The following SULF1 variants were observed in gnomAD, a reference collection of about 807,000 sequenced individuals.
SULF1 encodes the protein sulfatase 1.
In SULF1, 46 loss-of-function variants were observed where a neutral mutation model predicts 110.5. The observed-to-expected ratio is 0.42, with a 90% CI of 0.33 to 0.53. The LOEUF is 0.53. SULF1 is among the 20% of genes least tolerant of loss of function. SULF1 has a pLI of 0.12. For synonymous variants in SULF1, 371 were observed against 387.1 expected, an observed-to-expected ratio of 0.96 and a Z score of 0.49; for missense variants, 941 against 1,094.2, an observed-to-expected ratio of 0.86 and a Z score of 1.98.
At chr8:69,497,155 C>CTTT (rs5892193) in intron 2 of SULF1, among the ~76,000 whole-genome samples, 24 of 121,696 alleles carry the variant, frequency 2.0e-4, no homozygotes, top group Non-Finnish European at 2.5e-4. Context: ...GTTCTTTTCT[C>CTTT]TTTTTTTTTT....
intron 13 of SULF1, among the ~76,000 whole-genome samples, chr8:69,614,652 A>G (rs1298095616): frequency 1.3e-5 from 2 of 152,262 alleles, no homozygotes; most frequent in African/African-American, 2.4e-5. Flanking sequence ...ACAGGCAGAT[A>G]TAATCAATCA....
chr8:69,528,403 C>T (rs1192134305), intron 3 of SULF1, among the ~76,000 whole-genome samples: 1 of 152,160 alleles, frequency 6.6e-6, no homozygotes, highest in Admixed American at 6.5e-5. Flanking sequence ...TGTAGACAGA[C>T]GTGGATTCCA....
chr8:69,511,432 C>A (rs79725986), intron 3 of SULF1, among the ~76,000 whole-genome samples: 159 of 152,220 alleles, frequency 1.0e-3, no homozygotes, highest in African/African-American at 3.6e-3. Context: ...GATTCTGAGC[C>A]CTAACTGGCT....
chr8:69,613,298 T>C (rs1019704766), intron 13 of SULF1, among the ~76,000 whole-genome samples: 1 of 140,664 alleles, frequency 7.1e-6, no homozygotes, highest in African/African-American at 2.6e-5. Flanking sequence ...TGCCTACAGA[T>C]TTGGTTTTTT....
At chr8:69,573,418 A>G (rs1188064930) in intron 5 of SULF1, among the ~76,000 whole-genome samples, 1 of 152,190 alleles carries the variant, frequency 6.6e-6, no homozygotes, top group Non-Finnish European at 1.5e-5. Context: ...CCTCGGTCCC[A>G]TATTTGTAGT....
At position 69,655,688 on chromosome 8, in the gene SULF1, A is replaced by C. The variant is rs372061881; in HGVS notation, c.2586-2817A>C. 1.4e-4 allele frequency among the ~76,000 whole-genome samples: 21 copies of C among 152,314 alleles called. No individual in the cohort carries two copies. In the South Asian group the frequency reaches 4.3e-3, roughly 32 times the overall value. On this transcript the variant is annotated intron_variant, in intron 22 of 22. Transcript: ENST00000402687. ...TCCCCAAACTACTGGGATTAGAGGCATGAGGCACCATGCCCGGTCTAAATC... is the reference window on the plus strand; with the variant it reads ...TCCCCAAACTACTGGGATTAGAGGCCTGAGGCACCATGCCCGGTCTAAATC...
At chr8:69,588,927 T>C in intron 7 of SULF1, 45 bp from the exon 8 acceptor site, 4 of 1,577,194 alleles carry the variant, frequency 2.5e-6, no homozygotes, top group East Asian at 2.3e-5. Context: ...ATCTGATGAA[T>C]GTCACCTTTT....
rs80154473 is a variant in SULF1 at position 69,508,965 on chromosome 8, A to G, written c.-134+6997A>G. Among the ~76,000 whole-genome samples the G allele has an allele frequency of 8.4e-3, 1,282 of 152,300 alleles. 24 individuals are homozygous for G. The highest frequency in any genetic ancestry group is 0.029 in the African/African-American group (1,213 of 41,552). Reference sequence around the variant, plus strand: ...AATGACTCATAGGATTCTTCTCTCCAAAGAACACTGTGCTGAGAGTCAAGA... The same window carrying G: ...AATGACTCATAGGATTCTTCTCTCCGAAGAACACTGTGCTGAGAGTCAAGA... On this transcript the variant is annotated intron_variant, in intron 3 of 22. Coordinates refer to ENST00000402687, the MANE Select transcript of SULF1 (RefSeq NM_001128205.2).
intron 21 of SULF1, among the ~76,000 whole-genome samples, chr8:69,639,157 G>A (rs78908171): frequency 0.12 from 18,066 of 152,176 alleles, 1,465 homozygotes; most frequent in Non-Finnish European, 0.18. Context: ...ACACGAAAGC[G>A]TTAGGTATTT....
intron 14 of SULF1, among the ~76,000 whole-genome samples, chr8:69,622,219 G>T (rs997425697): frequency 2.6e-5 from 4 of 152,188 alleles, no homozygotes; most frequent in Non-Finnish European, 5.9e-5. Flanking sequence ...TGATTTGGGA[G>T]ACTTTTTTTC....
rs542224581 is a variant in SULF1, at chr8:69,529,589, C to T, written c.-134+27621C>T. Reference sequence around the variant, plus strand: ...TGGCTGGATGGTTCCAGTTTAAAATCTTTTATGAGGTTGCAGCCTAAGATA... The same window carrying T: ...TGGCTGGATGGTTCCAGTTTAAAATTTTTTATGAGGTTGCAGCCTAAGATA... On this transcript the variant is annotated intron_variant, in intron 3 of 22. Transcript: ENST00000402687. Among the ~76,000 whole-genome samples, 391 of 152,262 alleles carry T rather than the reference C, an allele frequency of 2.6e-3. 1 individual carries two copies. The highest frequency in any genetic ancestry group is 4.4e-3 in the Non-Finnish European group (302 of 68,002).
At chr8:69,494,437 A>G (rs1395641802) in intron 1 of SULF1, among the ~76,000 whole-genome samples, 1 of 152,198 alleles carries the variant, frequency 6.6e-6, no homozygotes, top group Admixed American at 6.5e-5. Flanking sequence ...GAAATATTAT[A>G]AAATTATGTC....
chr8:69,596,905 C>G (rs879120717), intron 8 of SULF1, among the ~76,000 whole-genome samples: 2 of 152,172 alleles, frequency 1.3e-5, no homozygotes, highest in Non-Finnish European at 1.5e-5. Context: ...TTAACCCCTA[C>G]AAGAACTCTT....
chr8:69,610,872 T>C lies in SULF1; in HGVS notation c.1377+5940T>C, dbSNP rs149996892. On this transcript the variant is annotated intron_variant, in intron 13 of 22. Transcript: ENST00000402687. ...TCCCACTTTCTCACTTGCATGGAGG[T>C]TGTTACTTCTCTCTTCTCACCTAAG... 2.8e-3 allele frequency among the ~76,000 whole-genome samples: 429 copies of C among 152,246 alleles called. 4 individuals carry two copies. The highest frequency in any genetic ancestry group is 0.01 in the African/African-American group (420 of 41,556).
chr8:69,631,953 G>T (rs1256840217), intron 19 of SULF1, among the ~76,000 whole-genome samples: 2 of 152,154 alleles, frequency 1.3e-5, no homozygotes, highest in African/African-American at 4.8e-5. Context: ...CTTAACTGTT[G>T]TCCTTTCCAC....
chr8:69,590,129 C>T (rs1485011466), intron 8 of SULF1, among the ~76,000 whole-genome samples: 2 of 152,152 alleles, frequency 1.3e-5, no homozygotes, highest in Admixed American at 6.5e-5. Flanking sequence ...CTCTAGTTGC[C>T]GGTCACTATA....
chr8:69,485,605 T>A (rs1809672352), intron 1 of SULF1, among the ~76,000 whole-genome samples: 1 of 152,152 alleles, frequency 6.6e-6, no homozygotes, highest in African/African-American at 2.4e-5. Context: ...CCTGTCTAAG[T>A]CTCAGCACAT....
chr8:69,623,829 G>A, intron 14 of SULF1, 113 bp from the exon 15 acceptor site: 6 of 1,288,518 alleles, frequency 4.7e-6, no homozygotes, highest in Non-Finnish European at 6.4e-6. Flanking sequence ...ACTCAGCAAT[G>A]CAGCATGGAC....
intron 3 of SULF1, among the ~76,000 whole-genome samples, chr8:69,548,794 C>T (rs1409685017): frequency 6.6e-6 from 1 of 151,734 alleles, no homozygotes; most frequent in East Asian, 1.9e-4. Context: ...AGAGCCAAAA[C>T]AAAACAAAAC....
Sources: allele counts gnomAD v4.1 joint callset (sites outside exome capture counted in the v4.1 genomes callset), GRCh38; gene constraint gnomAD v4.1.1; transcripts MANE v1.5; gene names NCBI Gene and HGNC (gene_info 2026-07-23, HGNC 2026-07-21).